MCM3: variants seen among roughly 807,000 people sequenced by gnomAD.
MCM3 encodes DNA replication licensing factor MCM3.
Under a neutral mutation model 91.3 loss-of-function variants are expected in MCM3, and 59 were observed. That is an observed-to-expected ratio of 0.65 (90% confidence interval 0.52 to 0.80). The LOEUF is 0.80. Among genes scored for constraint, MCM3 ranks in the 30% least tolerant of loss-of-function variants. MCM3 has a pLI of 0.00. For synonymous variants in MCM3, 383 were observed against 379.6 expected (o/e 1.01, Z -0.10); for missense variants, 919 against 1,035.4 (o/e 0.89, Z 1.54).
rs1328101620 is a variant in MCM3 at position 52,277,115 on chromosome 6, A to C, written c.1117T>G (p.Ser373Ala). The C allele has an allele frequency of 6.2e-7, 1 of 1,613,988 alleles. No homozygotes were observed. The highest frequency in any genetic ancestry group is 1.3e-5 in the African/African-American group (1 of 74,924). The change falls in exon 8 of 17, where the codon TCC (serine) becomes GCC (alanine). Residue 373 changes from serine to alanine, a missense_variant. This residue lies in a region of MCM3 where 233 missense variants were observed against 321.2 expected (regional missense o/e 0.73). Transcript: ENST00000596288. ...PRAIPTTGRG[S>A]SGVGLTAAVT... is the part of the protein sequence containing the mutation. ...GCAGCCGTCAGACCCACTCCAGAGG[A>C]GCCCCGGCCAGTGGTGGGGATAGCT...
intron 12 of MCM3, 30 bp downstream of exon 12, chr6:52,272,271 C>G (rs201741627): frequency 1.2e-6 from 2 of 1,608,062 alleles, no homozygotes; most frequent in African/African-American, 1.3e-5. Flanking sequence ...ACCTAAGGGA[C>G]CCCAAGCCTA....
Position 52,282,191 on chromosome 6 carries a change from G to A in MCM3, c.401-16C>T. On this transcript the variant is annotated splice_polypyrimidine_tract_variant and intron_variant, in intron 3 of 16. Transcript: ENST00000596288. Reference sequence around the variant, plus strand: ...ACTAGAGAACCTAGGGATGGAAAATGTGCATATATAAACTCACCCAACTAG... The same window carrying A: ...ACTAGAGAACCTAGGGATGGAAAATATGCATATATAAACTCACCCAACTAG... 3.1e-6 allele frequency: 5 copies of A among 1,613,864 alleles called. No individual in the cohort carries two copies. Among genetic ancestry groups the A allele is most frequent in the Non-Finnish European group, 4.2e-6 (5 of 1,179,804 alleles).
rs370685070 is a variant in MCM3 at position 52,266,608 on chromosome 6, C to T, written c.2158+3G>A. ...TCTTTCATCAGTAAGTGGGCTCACTCACCTTGAGGCATTTCCTCCTCTGTG... is the reference window on the plus strand; with the variant it reads ...TCTTTCATCAGTAAGTGGGCTCACTTACCTTGAGGCATTTCCTCCTCTGTG... On this transcript the variant is annotated splice_donor_region_variant and intron_variant, in intron 15 of 16. Transcript: ENST00000596288. The T allele has an allele frequency of 4.3e-6, 7 of 1,613,412 alleles. No individual in the cohort carries two copies. Among genetic ancestry groups the T allele is most frequent in the Non-Finnish European group, 5.9e-6 (7 of 1,179,408 alleles).
At chr6:52,265,306 C>T in intron 16 of MCM3, 1 of 434,810 alleles carries the variant, frequency 2.3e-6, no homozygotes. Context: ...TAATCCCAGC[C>T]TTTTGGGAGG....
At chr6:52,274,023 G>T in intron 9 of MCM3, 107 bp from the exon 10 acceptor site, 1 of 800,748 alleles carries the variant, frequency 1.2e-6, no homozygotes, top group Non-Finnish European at 2.0e-6. Flanking sequence ...ACCTCAAAGA[G>T]CAAAACAGAC....
At chr6:52,278,684 C>T (rs910524320) in intron 6 of MCM3, 58 bp downstream of exon 6, 2 of 1,233,240 alleles carry the variant, frequency 1.6e-6, no homozygotes, top group Non-Finnish European at 2.3e-6. Context: ...AGCCATGCAC[C>T]AAAACACAAC....
chr6:52,282,876 G>C lies in MCM3; in HGVS notation c.192-15C>G, dbSNP rs1057079884. ...TGTTCAGAAGCCTGTACATAAGCAA[G>C]AGAAAGAAAAATTAGACTGGGCAGA... On this transcript the variant is annotated splice_polypyrimidine_tract_variant and intron_variant, in intron 2 of 16. Coordinates refer to ENST00000596288, the MANE Select transcript of MCM3 (RefSeq NM_002388.6). 5.0e-6 allele frequency: 8 copies of C among 1,608,912 alleles called. No homozygotes were observed. In the African/African-American group the frequency reaches 8.0e-5, roughly 16 times the overall value.
chr6:52,272,457 G>C lies in MCM3; in HGVS notation c.1677-6C>G, dbSNP rs1222022008. Reference sequence around the variant, plus strand: ...CTGCACTCACCATCTTCTCCCTGGAGCCACACACAGTGAATTCCATCTCCC... The same window carrying C: ...CTGCACTCACCATCTTCTCCCTGGACCCACACACAGTGAATTCCATCTCCC... On this transcript the variant is annotated splice_polypyrimidine_tract_variant and splice_region_variant and intron_variant, in intron 11 of 16. Coordinates refer to ENST00000596288, the MANE Select transcript of MCM3 (RefSeq NM_002388.6). The C allele has an allele frequency of 6.2e-7, 1 of 1,613,930 alleles. No individual in the cohort carries two copies. The highest frequency in any genetic ancestry group is 8.5e-7 in the Non-Finnish European group (1 of 1,179,958).
intron 12 of MCM3, among the ~76,000 whole-genome samples, chr6:52,271,841 AAC>A (rs763233620): frequency 6.6e-6 from 1 of 152,224 alleles, no homozygotes. Context: ...AAAAGAAATT[AAC>A]AGTTTATTCG....
intron 9 of MCM3, 81 bp downstream of exon 9, chr6:52,276,187 C>G (rs990952691): frequency 7.6e-7 from 1 of 1,308,882 alleles, no homozygotes; most frequent in African/African-American, 1.5e-5. Context: ...CCCTGGGTCA[C>G]CTAGAATACA....
intron 14 of MCM3, among the ~76,000 whole-genome samples, chr6:52,267,166 T>C (rs1361161914): frequency 7.1e-6 from 1 of 140,874 alleles, no homozygotes; most frequent in Non-Finnish European, 1.5e-5. Flanking sequence ...TGGTGTGATC[T>C]CCACTCACTG....
chr6:52,284,490 C>T (rs1425448573), intron 1 of MCM3, 107 bp downstream of exon 1: 2 of 1,015,310 alleles, frequency 2.0e-6, no homozygotes, highest in Non-Finnish European at 2.8e-6. Context: ...CCGGCAGGCT[C>T]CGCTGCGGCA....
rs1764461156 is a variant in MCM3 at position 52,264,238 on chromosome 6, G to A, written c.*350C>T. On this transcript the variant is annotated 3_prime_UTR_variant, in exon 17 of 17. Coordinates refer to ENST00000596288, the MANE Select transcript of MCM3 (RefSeq NM_002388.6). The stretch of plus-strand genomic sequence containing the variant: ...AGAAAAAAAACAAAACAAAAAAACA[G>A]CAAACAGAAAACAGTTGTGCCCCCA... The A allele has an allele frequency of 4.2e-6, 1 of 240,218 alleles. No individual in the cohort carries two copies. Among genetic ancestry groups the A allele is most frequent in the East Asian group, 1.0e-4 (1 of 9,530 alleles). 14.9% of individuals were successfully genotyped at this position (240,218 alleles called of 1,614,324 possible).
chr6:52,277,428 A>T, intron 7 of MCM3, 107 bp downstream of exon 7: 1 of 1,234,162 alleles, frequency 8.1e-7, no homozygotes, highest in Non-Finnish European at 1.1e-6. Context: ...TTGTCCTTTG[A>T]TAGGACTGAA....
Position 52,276,081 on chromosome 6 carries a change from G to A in MCM3, c.1374+187C>T, listed in dbSNP as rs530216725. 5.6e-5 allele frequency: 33 copies of A among 594,106 alleles called. No individual in the cohort carries two copies. The African/African-American group carries it at 5.8e-4, about 10-fold the overall frequency. The allele number at this position is 594,106 out of a possible 1,614,324, so 36.8% of individuals were successfully genotyped here. A position where few individuals can be genotyped will look rare whatever the true frequency, so the allele number is the denominator to read the frequency against. ...TACTTTTAAATAAGGAACTTTCCAG[G>A]GGATTCTGCTGTGCAGGAATGGGTG... On this transcript the variant is annotated intron_variant, in intron 9 of 16. Transcript: ENST00000596288.
intron 16 of MCM3, 63 bp from the exon 17 acceptor site, chr6:52,264,849 C>A: frequency 7.1e-7 from 1 of 1,406,004 alleles, no homozygotes; most frequent in Non-Finnish European, 1.0e-6. Context: ...CAGGAAACAG[C>A]TATACTAGGA....
intron 9 of MCM3, among the ~76,000 whole-genome samples, chr6:52,274,847 T>C (rs1215843857): frequency 4.6e-5 from 7 of 152,224 alleles, no homozygotes; most frequent in Middle Eastern, 3.2e-3. Context: ...ATTTTGACCA[T>C]GTTCACGTTT....
intron 9 of MCM3, among the ~76,000 whole-genome samples, chr6:52,275,206 C>G (rs1355739782): frequency 6.6e-6 from 1 of 152,226 alleles, no homozygotes; most frequent in African/African-American, 2.4e-5. Flanking sequence ...GACCATGCAA[C>G]TGTATGTATA....
At chr6:52,265,882 T>C (rs1041515349) in intron 16 of MCM3, among the ~76,000 whole-genome samples, 193 bp downstream of exon 16, 11 of 152,238 alleles carry the variant, frequency 7.2e-5, no homozygotes, top group African/African-American at 2.7e-4. Context: ...CCAGAAGTTC[T>C]TCATGCTTTT....
Sources: allele counts gnomAD v4.1 joint callset (sites outside exome capture counted in the v4.1 genomes callset), GRCh38; gene constraint gnomAD v4.1.1; regional missense constraint gnomAD v4.1.1; transcripts MANE v1.5; gene names NCBI Gene and HGNC (gene_info 2026-07-23, HGNC 2026-07-21).